The following QSOX2 variants were observed in gnomAD, a reference collection of about 807,000 sequenced individuals.
The protein encoded by QSOX2 is quiescin sulfhydryl oxidase 2.
QSOX2 carries 46 observed loss-of-function variants against 61.7 expected under a neutral mutation model. The ratio of observed to expected loss-of-function variants is 0.75; its 90% CI spans 0.59 to 0.95. The LOEUF is 0.95. QSOX2 is among the 40% of genes least tolerant of loss of function. The probability of loss-of-function intolerance (pLI) is 0.00; values close to 1 mark genes in which losing one functional copy is unlikely to be tolerated. For missense variants in QSOX2, 879 were observed against 918.9 expected (o/e 0.96, Z 0.56); for synonymous variants, 383 against 388.4 (o/e 0.99, Z 0.16).
chr9:136,215,892 A>G (rs2131052159), intron 9 of QSOX2, among the ~76,000 whole-genome samples: 1 of 152,328 alleles, frequency 6.6e-6, no homozygotes, highest in East Asian at 1.9e-4. Flanking sequence ...CAGTCACGTG[A>G]GAGTGCTCCC....
chr9:136,221,151 G>A lies in QSOX2; in HGVS notation c.821+645C>T, dbSNP rs1831976440. Among the ~76,000 whole-genome samples, 3 of 150,684 alleles carry A rather than the reference G, an allele frequency of 2.0e-5. No homozygotes were observed. In the South Asian group the frequency reaches 6.3e-4, roughly 32 times the overall value. On this transcript the variant is annotated intron_variant, in intron 6 of 11. Coordinates refer to ENST00000358701, the MANE Select transcript of QSOX2 (RefSeq NM_181701.4). The surrounding 1 kb of genome is among the most constrained non-coding windows in gnomAD (Gnocchi z 4.5). ...GGGGCACACAGGCACTCCACGCAGG[G>A]GCGAAGGGCTTATCCTCATGAGGGG...
Position 136,224,052 on chromosome 9 carries a change from G to C in QSOX2, c.539C>G (p.Thr180Arg), listed in dbSNP as rs377198795. 1.2e-6 allele frequency: 2 copies of C among 1,613,944 alleles called. No individual in the cohort carries two copies. Among genetic ancestry groups the C allele is most frequent in the African/African-American group, 1.3e-5 (1 of 74,906 alleles). Reference sequence around the variant, plus strand: ...GCAGGCAGGGGGCCGGCTTCCTTCCGTGTGGTTCTGCAGGAAGTCAATCAT... The same window carrying C: ...GCAGGCAGGGGGCCGGCTTCCTTCCCTGTGGTTCTGCAGGAAGTCAATCAT... ...QTMIDFLQNH[T>R]EGSRPPACPR... The change falls in exon 4 of 12, where the codon ACG becomes AGG. Residue 180 changes from threonine (T) to arginine (R), a missense_variant. Transcript: ENST00000358701.
At chr9:136,229,895 G>A (rs1237324885) in intron 1 of QSOX2, among the ~76,000 whole-genome samples, 7 of 152,188 alleles carry the variant, frequency 4.6e-5, no homozygotes, top group South Asian at 2.1e-4. Flanking sequence ...GCAACACAGA[G>A]CCCTGCACAG....
chr9:136,232,542 A>G (rs1385458162), intron 1 of QSOX2, among the ~76,000 whole-genome samples: 1 of 152,232 alleles, frequency 6.6e-6, no homozygotes, highest in Non-Finnish European at 1.5e-5. Context: ...ATACAAATCT[A>G]TTATAAAAAG....
Position 136,220,909 on chromosome 9 carries a change from T to C in QSOX2, c.821+887A>G, listed in dbSNP as rs148610850. 2.9e-3 allele frequency among the ~76,000 whole-genome samples: 449 copies of C among 152,318 alleles called. 1 individual carries two copies. Among genetic ancestry groups the C allele is most frequent in the African/African-American group, 9.7e-3 (405 of 41,568 alleles). ...TTTTAGTATAGATGGGGTCTTACTA[T>C]GTTGCCCAGGCTGGTCTGGAACTCC... On this transcript the variant is annotated intron_variant, in intron 6 of 11. Coordinates refer to ENST00000358701, the MANE Select transcript of QSOX2 (RefSeq NM_181701.4).
intron 1 of QSOX2, among the ~76,000 whole-genome samples, chr9:136,232,985 C>G (rs138965691): frequency 1.3e-5 from 2 of 151,440 alleles, no homozygotes; most frequent in Non-Finnish European, 2.9e-5. Context: ...GGACATCTGC[C>G]TGAACAGGTA....
chr9:136,208,880 C>T lies in QSOX2; in HGVS notation c.1945G>A (p.Ala649Thr), dbSNP rs142355207. ...PGAHKEVGGA[A>T]PFLGVDFSSL... ...GAGAAGTCAACCCCGAGGAAGGGTG[C>T]GGCCCCGCCCACCTCCTTGTGGGCC... The change falls in exon 12 of 12, where the codon GCA becomes ACA. Residue 649 changes from alanine to threonine, a missense_variant. Ala to Thr is a moderately conservative substitution (Grantham distance 58). Coordinates refer to ENST00000358701, the MANE Select transcript of QSOX2 (RefSeq NM_181701.4). 35 of 1,613,856 alleles carry T rather than the reference C, an allele frequency of 2.2e-5. No individual in the cohort carries two copies. The highest frequency in any genetic ancestry group is 1.6e-4 in the Middle Eastern group (1 of 6,082).
intron 9 of QSOX2, among the ~76,000 whole-genome samples, chr9:136,215,964 C>T (rs868498655): frequency 1.3e-5 from 2 of 152,246 alleles, no homozygotes; most frequent in East Asian, 1.9e-4. Flanking sequence ...AGCCCGGCAC[C>T]GTCTGCTTCT....
intron 1 of QSOX2, among the ~76,000 whole-genome samples, chr9:136,228,750 G>C (rs1334748271): frequency 6.6e-6 from 1 of 152,256 alleles, no homozygotes; most frequent in African/African-American, 2.4e-5. Context: ...CTTGTGACCG[G>C]AAGCCCAGTG....
At position 136,223,761 on chromosome 9, in the gene QSOX2, A is replaced by G. The variant is rs1437270281; in HGVS notation, c.675+2T>C. 6.2e-7 allele frequency: 1 copy of G among 1,613,294 alleles called. No homozygotes were observed. Among genetic ancestry groups the G allele is most frequent in the African/African-American group, 1.3e-5 (1 of 74,858 alleles). The stretch of plus-strand genomic sequence containing the variant: ...CACCTGGAGCCCACGCAGAGGCCGT[A>G]CCTCCCGTCCAAGGTAGGAGCTGTT... On this transcript the variant is annotated splice_donor_variant, in intron 5 of 11. Transcript: ENST00000358701. LOFTEE classifies it high-confidence loss of function. This position sits in a 1 kb window ranked among gnomAD's most constrained non-coding sequence, Gnocchi z 4.4.
At chr9:136,233,336 AACTC>A (rs1830349650) in intron 1 of QSOX2, among the ~76,000 whole-genome samples, 1 of 152,226 alleles carries the variant, frequency 6.6e-6, no homozygotes, top group Non-Finnish European at 1.5e-5. Context: ...GGCCACGAAG[AACTC>A]ATGAGTTCAA....
intron 11 of QSOX2, chr9:136,211,020 C>G (rs1831837115): frequency 1.3e-5 from 8 of 603,916 alleles, no homozygotes; most frequent in Non-Finnish European, 1.7e-5. Flanking sequence ...CACCCATTTC[C>G]ACGGGGTCGA....
At chr9:136,212,365 A>G (rs1831856864) in intron 10 of QSOX2, among the ~76,000 whole-genome samples, 1 of 152,258 alleles carries the variant, frequency 6.6e-6, no homozygotes, top group African/African-American at 2.4e-5. Context: ...TCGCGAATGA[A>G]TCCGTCTTCA....
rs782558136 is a variant in QSOX2, at chr9:136,245,457, G to A, written c.328+19C>T. 8 of 1,575,456 alleles carry A rather than the reference G, an allele frequency of 5.1e-6. No homozygotes were observed. Among genetic ancestry groups the A allele is most frequent in the South Asian group, 4.5e-5 (4 of 89,120 alleles). The stretch of plus-strand genomic sequence containing the variant: ...CGGTCCCGGGGGTCGGGGGGTCCCC[G>A]CGCGGGGGCGCGCCTCACCTCGCAC... On this transcript the variant is annotated intron_variant, in intron 1 of 11. Transcript: ENST00000358701.
At position 136,219,435 on chromosome 9, in the gene QSOX2, A is replaced by G. The variant is rs542898617; in HGVS notation, c.822-271T>C. Among the ~76,000 whole-genome samples, 4 of 152,362 alleles carry G rather than the reference A, an allele frequency of 2.6e-5. No homozygotes were observed. In the East Asian group the frequency reaches 7.7e-4, roughly 29 times the overall value. ...CTCATTTATGTTTGTGGGGACCTTA[A>G]GGCGTTTTGTAAAGCTGGGTTGAGC... is the stretch of plus-strand genomic sequence containing the variant. On this transcript the variant is annotated intron_variant, in intron 6 of 11. Transcript: ENST00000358701.
intron 11 of QSOX2, among the ~76,000 whole-genome samples, chr9:136,211,051 A>G (rs1831837562): frequency 6.7e-6 from 1 of 148,864 alleles, no homozygotes; most frequent in Admixed American, 6.6e-5. Context: ...GAGTGAGAGA[A>G]GCATCTAGAA....
chr9:136,215,395 GGTGGATAATGGGGGT>G, intron 9 of QSOX2, 91 bp from the exon 10 acceptor site: 1 of 942,380 alleles, frequency 1.1e-6, no homozygotes, highest in Non-Finnish European at 1.5e-6. Context: ...GACTGGGGGG[GGTGGATAATGGGGGT>G]GTGGTTTACT....
At position 136,221,156 on chromosome 9, in the gene QSOX2, A is replaced by T. The variant is rs1166113295; in HGVS notation, c.821+640T>A. Among the ~76,000 whole-genome samples the T allele has an allele frequency of 1.4e-5, 2 of 147,796 alleles. No individual in the cohort carries two copies. Among genetic ancestry groups the T allele is most frequent in the Non-Finnish European group, 3.0e-5 (2 of 67,640 alleles). ...ACACAGGCACTCCACGCAGGGGCGA[A>T]GGGCTTATCCTCATGAGGGGCACAC... On this transcript the variant is annotated intron_variant, in intron 6 of 11. Coordinates refer to ENST00000358701, the MANE Select transcript of QSOX2 (RefSeq NM_181701.4). This position sits in a 1 kb window ranked among gnomAD's most constrained non-coding sequence, Gnocchi z 4.5.
chr9:136,227,930 C>T (rs988505098), intron 1 of QSOX2, among the ~76,000 whole-genome samples: 3 of 151,788 alleles, frequency 2.0e-5, no homozygotes, highest in African/African-American at 4.8e-5. Flanking sequence ...AGTGAGCCGG[C>T]GACAGGGGGA....
Sources: gnomAD v4.1 joint callset for allele counts (sites outside exome capture counted in the v4.1 genomes callset) on GRCh38, gnomAD v4.1.1 for gene constraint, Gnocchi (gnomAD v3.1) non-coding constraint, MANE v1.5 for transcripts, NCBI Gene and HGNC (gene_info 2026-07-23, HGNC 2026-07-21) for gene names.